The following IP6K1 variants were observed in gnomAD, a reference collection of about 807,000 sequenced individuals.
IP6K1 encodes inositol hexakisphosphate kinase 1, also known as ATP:1D-myo-inositol-hexakisphosphate phosphotransferase.
A neutral mutation model predicts 38.3 loss-of-function variants in IP6K1; 13 were observed. That is an observed-to-expected ratio of 0.34 (90% confidence interval 0.22 to 0.54). The LOEUF is 0.54. Ranked by LOEUF, IP6K1 falls within the 20% of genes least tolerant of loss-of-function variation. The pLI is 0.92. For synonymous variants in IP6K1, 212 were observed against 229.9 expected (o/e 0.92, Z 0.70); for missense variants, 397 against 599.8 (o/e 0.66, Z 3.53).
At chr3:49,756,788 G>A (rs918418290) in intron 1 of IP6K1, among the ~76,000 whole-genome samples, 6 of 138,524 alleles carry the variant, frequency 4.3e-5, no homozygotes, top group East Asian at 2.0e-4. Context: ...GCACTCCAGC[G>A]CCTGGGCAAC....
intron 1 of IP6K1, among the ~76,000 whole-genome samples, chr3:49,756,783 C>T (rs2108245141): frequency 1.4e-5 from 2 of 144,198 alleles, no homozygotes. Flanking sequence ...CCATTGCACT[C>T]CAGCGCCTGG....
chr3:49,778,272 C>A (rs1240698954), intron 1 of IP6K1, among the ~76,000 whole-genome samples: 3 of 150,438 alleles, frequency 2.0e-5, no homozygotes, highest in African/African-American at 7.4e-5. Flanking sequence ...TTGCAGTGAA[C>A]TGAGATCGCG....
At chr3:49,781,839 T>C (rs568567963) in intron 1 of IP6K1, among the ~76,000 whole-genome samples, 91 of 152,098 alleles carry the variant, frequency 6.0e-4, no homozygotes, top group African/African-American at 2.1e-3. Flanking sequence ...ATCCAGCACT[T>C]TGGGAGGCCG....
chr3:49,746,300 C>T (rs983627070), intron 2 of IP6K1, among the ~76,000 whole-genome samples: 1 of 151,140 alleles, frequency 6.6e-6, no homozygotes, highest in African/African-American at 2.4e-5. Flanking sequence ...GTGGAAACAA[C>T]CCAGGTGTCC....
intron 4 of IP6K1, among the ~76,000 whole-genome samples, chr3:49,728,870 C>T (rs1158720699): frequency 6.6e-6 from 1 of 152,068 alleles, no homozygotes; most frequent in Admixed American, 6.5e-5. Context: ...CCACCACGCC[C>T]AGCTAGAACT....
chr3:49,757,412 T>A (rs2080833311), intron 1 of IP6K1, among the ~76,000 whole-genome samples: 1 of 152,224 alleles, frequency 6.6e-6, no homozygotes, highest in African/African-American at 2.4e-5. Context: ...CTCCTCACCA[T>A]GTTATCTTTT....
At chr3:49,737,307 T>C (rs1261454403) in intron 3 of IP6K1, among the ~76,000 whole-genome samples, 1 of 152,188 alleles carries the variant, frequency 6.6e-6, no homozygotes, top group African/African-American at 2.4e-5. Flanking sequence ...TTTCTTCACA[T>C]CTTGTCAACA....
intron 4 of IP6K1, among the ~76,000 whole-genome samples, chr3:49,731,771 C>T (rs573660529): frequency 9.9e-5 from 15 of 151,770 alleles, no homozygotes; most frequent in Admixed American, 2.0e-4. Context: ...GCCTGTAATC[C>T]CAGCTACTGG....
At chr3:49,732,533 A>C (rs1575303829) in intron 4 of IP6K1, among the ~76,000 whole-genome samples, 1 of 152,262 alleles carries the variant, frequency 6.6e-6, no homozygotes, top group African/African-American at 2.4e-5. Context: ...CCATACTGAA[A>C]AGCACACAGA....
chr3:49,731,813 G>C (rs959027026), intron 4 of IP6K1, among the ~76,000 whole-genome samples: 1 of 147,476 alleles, frequency 6.8e-6, no homozygotes, highest in Non-Finnish European at 1.5e-5. Flanking sequence ...TCTTGAACCC[G>C]GGAGGCGGAG....
intron 1 of IP6K1, among the ~76,000 whole-genome samples, chr3:49,783,901 C>T (rs2081089445): frequency 6.6e-6 from 1 of 152,160 alleles, no homozygotes; most frequent in African/African-American, 2.4e-5. Flanking sequence ...GCAGTATAAA[C>T]TCAGTCGAAC....
chr3:49,728,237 G>T lies in IP6K1; in HGVS notation c.658C>A (p.Pro220Thr). The part of the protein sequence containing the change: ...LENVVHHFKY[P>T]CVLDLKMGTR... Reference sequence around the variant, plus strand: ...CCCATCTTCAGGTCCAACACGCAGGGGTACTTGAAGTGGTGCACCACGTTC... The same window carrying T: ...CCCATCTTCAGGTCCAACACGCAGGTGTACTTGAAGTGGTGCACCACGTTC... Residue 220 changes from proline to threonine, a missense_variant, in exon 5 of 6, where the codon CCC becomes ACC. This residue lies in a region of IP6K1 where 62 missense variants were observed against 149.2 expected (regional missense o/e 0.42). Transcript: ENST00000321599. The T allele has an allele frequency of 6.2e-7, 1 of 1,614,138 alleles. No homozygotes were observed. Among genetic ancestry groups the T allele is most frequent in the Non-Finnish European group, 8.5e-7 (1 of 1,180,030 alleles).
chr3:49,766,049 G>A lies in IP6K1; in HGVS notation c.-128-17881C>T, dbSNP rs148773240. Among the ~76,000 whole-genome samples, 776 of 152,118 alleles carry A rather than the reference G, an allele frequency of 5.1e-3. 10 individuals are homozygous for A. Among genetic ancestry groups the A allele is most frequent in the African/African-American group, 0.017 (697 of 41,506 alleles). ...AAATTAGCCAGGTGTGGTGGCGGGC[G>A]CCTGTAGTCCCAGCTACTTGGAAGG... is the stretch of plus-strand genomic sequence containing the variant. On this transcript the variant is annotated intron_variant, in intron 1 of 5. Transcript: ENST00000321599.
chr3:49,732,762 C>T (rs2080574403), intron 4 of IP6K1, 29 bp downstream of exon 4: 1 of 1,588,480 alleles, frequency 6.3e-7, no homozygotes, highest in Non-Finnish European at 8.6e-7. Flanking sequence ...ACCCAGTAGA[C>T]ACTCCTGAAG....
intron 1 of IP6K1, among the ~76,000 whole-genome samples, chr3:49,761,758 A>C (rs1480892181): frequency 2.0e-5 from 3 of 152,078 alleles, no homozygotes; most frequent in African/African-American, 7.2e-5. Flanking sequence ...GTTCAAGAGC[A>C]CCCTGGTCAA....
At chr3:49,746,059 T>C (rs1448738913) in intron 2 of IP6K1, among the ~76,000 whole-genome samples, 2 of 151,920 alleles carry the variant, frequency 1.3e-5, no homozygotes, top group South Asian at 2.1e-4. Context: ...AAAAGGAGTG[T>C]TGGTAAGGAT....
chr3:49,729,419 T>C (rs1459289797), intron 4 of IP6K1, among the ~76,000 whole-genome samples: 1 of 151,782 alleles, frequency 6.6e-6, no homozygotes, highest in African/African-American at 2.4e-5. Flanking sequence ...TTATTTTATT[T>C]TTTTTTTGAG....
In IP6K1 at chr3:49,738,227, A is replaced by G. The variant is rs1453112970; in HGVS notation, c.419T>C (p.Leu140Pro). 1.9e-6 allele frequency: 3 copies of G among 1,614,112 alleles called. No individual in the cohort carries two copies. The highest frequency in any genetic ancestry group is 2.2e-5 in the East Asian group (1 of 44,876). Residue 140 changes from leucine to proline, a missense_variant, in exon 3 of 6, where the codon CTT becomes CCT. Leu to Pro is a moderately conservative substitution (Grantham distance 98). This residue lies in a region of IP6K1 where 171 missense variants were observed against 237.0 expected (regional missense o/e 0.72). Coordinates refer to ENST00000321599, the MANE Select transcript of IP6K1 (RefSeq NM_153273.4). ...TACCTCTTACCTCTCAGAGGTCTCA[A>G]GGGACAGGCTGGCTTTCTCCTCCTT... ...DHKEEKASLS[L>P]ETSESSQEAK... is the part of the protein sequence containing the mutation.
At chr3:49,781,353 G>C (rs777894508) in intron 1 of IP6K1, among the ~76,000 whole-genome samples, 29 of 152,310 alleles carry the variant, frequency 1.9e-4, no homozygotes, top group Non-Finnish European at 3.8e-4. Flanking sequence ...GTGACCCACT[G>C]TGCCGGCCTA....
Sources: allele counts gnomAD v4.1 joint callset (sites outside exome capture counted in the v4.1 genomes callset), GRCh38; gene constraint gnomAD v4.1.1; regional missense constraint gnomAD v4.1.1; transcripts MANE v1.5; gene names NCBI Gene and HGNC (gene_info 2026-07-23, HGNC 2026-07-21).